Variants in MYOM1 observed in about 807,000 individuals in gnomAD.
The protein encoded by MYOM1 is myomesin-1.
Under a neutral mutation model 205.3 loss-of-function variants are expected in MYOM1, and 164 were observed. That is an observed-to-expected ratio of 0.80 (90% CI 0.70 to 0.91). The LOEUF (loss-of-function observed/expected upper bound fraction) is 0.91, where lower values mean the gene tolerates loss of function less well. Ranked by LOEUF, MYOM1 falls within the 40% of genes least tolerant of loss-of-function variation. MYOM1 has a pLI of 0.00. For missense variants in MYOM1, 2,011 were observed against 2,127.3 expected, an observed-to-expected ratio of 0.95 and a Z score of 1.08; for synonymous variants, 772 against 789.4, an observed-to-expected ratio of 0.98 and a Z score of 0.37.
intron 25 of MYOM1, among the ~76,000 whole-genome samples, 182 bp from the exon 26 acceptor site, chr18:3,094,488 A>C (rs1000781181): frequency 6.6e-6 from 1 of 151,836 alleles, no homozygotes; most frequent in Non-Finnish European, 1.5e-5. Flanking sequence ...AGACAGAGGG[A>C]CTCAGCTCTG....
At chr18:3,242,438 A>G in the MYOM1 span, among the ~76,000 whole-genome samples, 11 of 152,174 alleles carry the variant, frequency 7.2e-5, no homozygotes, top group African/African-American at 1.4e-4. Flanking sequence ...ATGATTGTGA[A>G]GCCTCCCCAG....
At position 3,129,098 on chromosome 18, in the gene MYOM1, T is replaced by C. The variant is rs919793480; in HGVS notation, c.2794+134A>G. The C allele has an allele frequency of 1.6e-5, 19 of 1,172,786 alleles. No individual in the cohort carries two copies. In the East Asian group the frequency reaches 4.6e-4, roughly 29 times the overall value. The allele number at this position is 1,172,786 out of a possible 1,614,324, so 72.6% of individuals were successfully genotyped here. A position where few individuals can be genotyped will look rare whatever the true frequency, so the allele number is the denominator to read the frequency against. On this transcript the variant is annotated intron_variant, in intron 18 of 37. Coordinates refer to ENST00000356443, the MANE Select transcript of MYOM1 (RefSeq NM_003803.4). ...ATCAGATGAAAGTACACATTTCAGATGGCTAGCTGAAAACACATACAATAA... is the reference window on the plus strand; with the variant it reads ...ATCAGATGAAAGTACACATTTCAGACGGCTAGCTGAAAACACATACAATAA...
chr18:3,188,928 C>A lies in MYOM1; in HGVS notation c.591G>T (p.Thr197=). The part of the protein sequence containing the change: ...SKQTTASKQS[T]ASKQSTASKQ... ...TGGATGCTGTGGACTGCTTGGATGC[C>A]GTGGACTGCTTAGATGCCGTGGTCT... Residue 197 remains threonine (T), a synonymous_variant, in exon 4 of 38, where the codon ACG becomes ACT. Coordinates refer to ENST00000356443, the MANE Select transcript of MYOM1 (RefSeq NM_003803.4). The A allele has an allele frequency of 4.3e-6, 7 of 1,610,930 alleles. No individual in the cohort carries two copies. The highest frequency in any genetic ancestry group is 5.9e-6 in the Non-Finnish European group (7 of 1,178,832).
At chr18:3,169,945 A>G (rs991180831) in intron 8 of MYOM1, among the ~76,000 whole-genome samples, 116 of 152,316 alleles carry the variant, frequency 7.6e-4, no homozygotes, top group African/African-American at 2.7e-3. Flanking sequence ...ACATATACTC[A>G]ATGGAATGTT....
intron 2 of MYOM1, among the ~76,000 whole-genome samples, chr18:3,203,798 A>G (rs936507789): frequency 1.3e-5 from 2 of 151,642 alleles, no homozygotes; most frequent in African/African-American, 2.4e-5. Flanking sequence ...GTATTACATG[A>G]TATCAAAGCA....
At chr18:3,211,066 A>G (rs2081185251) in intron 2 of MYOM1, among the ~76,000 whole-genome samples, 1 of 152,166 alleles carries the variant, frequency 6.6e-6, no homozygotes, top group African/African-American at 2.4e-5. Flanking sequence ...TCATCCCACA[A>G]CCTAAGAAAC....
the MYOM1 span, among the ~76,000 whole-genome samples, chr18:3,237,975 G>C: frequency 6.6e-6 from 1 of 152,136 alleles, no homozygotes; most frequent in Non-Finnish European, 1.5e-5. Flanking sequence ...TCCAGGGACT[G>C]GGGCAGGGGT....
intron 14 of MYOM1, among the ~76,000 whole-genome samples, chr18:3,138,822 G>A (rs1413347885): frequency 6.6e-6 from 1 of 152,242 alleles, no homozygotes; most frequent in East Asian, 1.9e-4. Flanking sequence ...TTTTCCAGAG[G>A]AGAAGACAAG....
At chr18:3,089,122 A>G in intron 29 of MYOM1, 52 bp downstream of exon 29, 1 of 1,355,300 alleles carries the variant, frequency 7.4e-7, no homozygotes, top group Non-Finnish European at 1.0e-6. Context: ...TCTTCTCTAC[A>G]TTCTATTTTA....
At chr18:3,182,382 A>C (rs979025489) in intron 5 of MYOM1, among the ~76,000 whole-genome samples, 2 of 152,220 alleles carry the variant, frequency 1.3e-5, no homozygotes, top group Non-Finnish European at 2.9e-5. Context: ...ATGTATACAT[A>C]TGTAACAAAC....
At chr18:3,077,014 G>GT (rs1308689052) in intron 34 of MYOM1, among the ~76,000 whole-genome samples, 536 of 135,060 alleles carry the variant, frequency 4.0e-3, no homozygotes, top group Middle Eastern at 0.011. Context: ...TCCCAGCCTT[G>GT]TTTTTTTTTT....
At chr18:3,113,695 T>A (rs2079562754) in intron 21 of MYOM1, among the ~76,000 whole-genome samples, 1 of 151,526 alleles carries the variant, frequency 6.6e-6, no homozygotes, top group South Asian at 2.1e-4. Flanking sequence ...TTACCAATAC[T>A]GTTAATGTTT....
At chr18:3,215,783 A>G (rs892898731) in intron 1 of MYOM1, among the ~76,000 whole-genome samples, 1 of 152,032 alleles carries the variant, frequency 6.6e-6, no homozygotes, top group African/African-American at 2.4e-5. Flanking sequence ...TAGAAAAACA[A>G]AGTTTTTCTA....
chr18:3,074,566 G>C (rs145667344), intron 36 of MYOM1, among the ~76,000 whole-genome samples: 30 of 152,152 alleles, frequency 2.0e-4, no homozygotes, highest in South Asian at 4.1e-4. Flanking sequence ...CTAAAAATCT[G>C]TGTGTGTGAA....
Position 3,219,642 on chromosome 18 carries a change from G to A in MYOM1, c.-29+161C>T, listed in dbSNP as rs1394569067. ...AGCCCGACTGGCACCCGGCTGTTCT[G>A]GTTTCCCTCCCTGGAGCTTCACTTT... On this transcript the variant is annotated intron_variant, in intron 1 of 37. Coordinates refer to ENST00000356443, the MANE Select transcript of MYOM1 (RefSeq NM_003803.4). This position sits in a 1 kb window ranked among gnomAD's most constrained non-coding sequence, Gnocchi z 4.4. 6.6e-6 allele frequency among the ~76,000 whole-genome samples: 1 copy of A among 152,160 alleles called. No individual in the cohort carries two copies. The highest frequency in any genetic ancestry group is 1.5e-5 in the Non-Finnish European group (1 of 68,022).
At chr18:3,089,425 G>T in intron 28 of MYOM1, 112 bp downstream of exon 28, 1 of 777,454 alleles carries the variant, frequency 1.3e-6, no homozygotes, top group Admixed American at 3.1e-5. Context: ...TAATTTACTA[G>T]GCATTATTAA....
upstream of MYOM1, among the ~76,000 whole-genome samples, chr18:3,221,964 T>G (rs1265248870): frequency 6.6e-6 from 1 of 152,252 alleles, no homozygotes; most frequent in African/African-American, 2.4e-5. Flanking sequence ...GGATGATTCC[T>G]GGTGAGCTGT....
the MYOM1 span, among the ~76,000 whole-genome samples, chr18:3,240,110 A>C: frequency 8.5e-5 from 13 of 152,344 alleles, no homozygotes; most frequent in African/African-American, 2.9e-4. Context: ...TCGGGGATTC[A>C]AAAATAATAT....
intron 9 of MYOM1, among the ~76,000 whole-genome samples, chr18:3,168,176 A>G (rs961442984): frequency 1.3e-5 from 2 of 152,250 alleles, no homozygotes; most frequent in Non-Finnish European, 2.9e-5. Flanking sequence ...AATTAATAAT[A>G]ATATCAGGAT....
Sources: allele counts gnomAD v4.1 joint callset (sites outside exome capture counted in the v4.1 genomes callset), GRCh38; gene constraint gnomAD v4.1.1; non-coding constraint Gnocchi (gnomAD v3.1); transcripts MANE v1.5; gene names NCBI Gene and HGNC (gene_info 2026-07-23, HGNC 2026-07-21).